KCNQ1: variants seen among roughly 807,000 people sequenced by gnomAD.
KCNQ1 encodes the protein potassium voltage-gated channel subfamily KQT member 1.
KCNQ1 carries 49 observed loss-of-function variants against 72.4 expected under a neutral mutation model. The observed-to-expected ratio is 0.68, with a 90% CI of 0.54 to 0.86. KCNQ1 has a LOEUF of 0.86. KCNQ1 is among the 40% of genes least tolerant of loss of function. The pLI, the probability that KCNQ1 is intolerant of heterozygous loss-of-function variation, is 0.00. For missense variants in KCNQ1, 790 were observed against 945.1 expected, an observed-to-expected ratio of 0.84 and a Z score of 2.15; for synonymous variants, 450 against 412.6, an observed-to-expected ratio of 1.09 and a Z score of -1.10.
intron 11 of KCNQ1, among the ~76,000 whole-genome samples, chr11:2,760,282 G>T (rs75943176): frequency 6.6e-6 from 1 of 151,564 alleles, no homozygotes; most frequent in East Asian, 2.2e-4. Context: ...GGGGCAGGCG[G>T]GCAGGCGGGC....
At chr11:2,792,059 C>G (rs1847037236) in intron 15 of KCNQ1, among the ~76,000 whole-genome samples, 1 of 152,128 alleles carries the variant, frequency 6.6e-6, no homozygotes, top group Non-Finnish European at 1.5e-5. Flanking sequence ...CCCTCCCCAC[C>G]CCGTTCCGCG....
rs1446976546 is a variant in KCNQ1, at chr11:2,679,111, T to A, written c.1514+17030T>A. On this transcript the variant is annotated intron_variant, in intron 11 of 15. Coordinates refer to ENST00000155840, the MANE Select transcript of KCNQ1 (RefSeq NM_000218.3). This position sits in a 1 kb window ranked among gnomAD's most constrained non-coding sequence, Gnocchi z 4.8. ...CATAGCTAGAGCTAGAGTGCTGTTA[T>A]AAGCTGTGCAGGCCAAAATGGTTTC... The A allele has an allele frequency of 2.5e-5, 10 of 398,532 alleles. No homozygotes were observed. Among genetic ancestry groups the A allele is most frequent in the Admixed American group, 2.2e-4 (5 of 22,720 alleles). The allele number at this position is 398,532 out of a possible 1,614,324, so 24.7% of individuals were successfully genotyped here.
In KCNQ1 at chr11:2,601,828, C is replaced by T. The variant is rs929008778; in HGVS notation, c.1393+12974C>T. 4.5e-4 allele frequency among the ~76,000 whole-genome samples: 69 copies of T among 152,298 alleles called. No individual in the cohort carries two copies. Among genetic ancestry groups the T allele is most frequent in the African/African-American group, 1.5e-3 (64 of 41,556 alleles). On this transcript the variant is annotated intron_variant, in intron 10 of 15. Transcript: ENST00000155840. The surrounding 1 kb of genome is among the most constrained non-coding windows in gnomAD (Gnocchi z 5.2). ...ATTTAACCATTCCCTCATCCAAGGA[C>T]ATGTGGGTCATTCCCAGTTTGGGCT...
Position 2,526,565 on chromosome 11 carries a change from TG to T in KCNQ1, c.387-1357del, listed in dbSNP as rs1307197705. On this transcript the variant is annotated intron_variant, in intron 1 of 15. Transcript: ENST00000155840. This position sits in a 1 kb window ranked among gnomAD's most constrained non-coding sequence, Gnocchi z 6.1. ...GTCCACAGGAGCTTGGGGAAGGGGG[TG>T]GGGGGCCAGAGCCCCACCTTCCCCA... Among the ~76,000 whole-genome samples, 18 of 129,050 alleles carry T rather than the reference TG, an allele frequency of 1.4e-4. No individual in the cohort carries two copies. The Admixed American group carries it at 1.4e-3, about 10-fold the overall frequency. 84.7% of individuals were successfully genotyped at this position (129,050 alleles called of 152,430 possible). A position where few individuals can be genotyped will look rare whatever the true frequency, so the allele number is the denominator to read the frequency against.
At chr11:2,829,329 G>A (rs1197151712) in intron 15 of KCNQ1, among the ~76,000 whole-genome samples, 2 of 152,106 alleles carry the variant, frequency 1.3e-5, no homozygotes, top group African/African-American at 4.8e-5. Context: ...AAAAAATGAA[G>A]GTGATAGACT....
intron 15 of KCNQ1, among the ~76,000 whole-genome samples, chr11:2,794,944 G>A (rs192149634): frequency 2.0e-5 from 3 of 152,286 alleles, no homozygotes; most frequent in African/African-American, 4.8e-5. Flanking sequence ...GCCTAGAGTG[G>A]GTATAGCTCA....
chr11:2,609,922 T>G (rs1848950785), intron 10 of KCNQ1: 2 of 397,932 alleles, frequency 5.0e-6, no homozygotes, highest in South Asian at 2.5e-4. Context: ...GTGTGCCTCA[T>G]ATAGATGGAA....
In KCNQ1 at chr11:2,658,180, G is replaced by A; in HGVS notation, c.1394-3781G>A. 1 of 398,586 alleles carries A rather than the reference G, an allele frequency of 2.5e-6. No individual in the cohort carries two copies. The highest frequency in any genetic ancestry group is 3.6e-5 in the East Asian group (1 of 28,076). The allele number at this position is 398,586 out of a possible 1,614,324, so 24.7% of individuals were successfully genotyped here. A position where few individuals can be genotyped will look rare whatever the true frequency, so the allele number is the denominator to read the frequency against. On this transcript the variant is annotated intron_variant, in intron 10 of 15. Coordinates refer to ENST00000155840, the MANE Select transcript of KCNQ1 (RefSeq NM_000218.3). This position sits in a 1 kb window ranked among gnomAD's most constrained non-coding sequence, Gnocchi z 4.9. ...TACATTTCAAGGAAGAAACTGTGAA[G>A]TTTCTGAGTTTCACTAACTAATTTC...
chr11:2,697,919 T>C, intron 11 of KCNQ1: 1 of 398,666 alleles, frequency 2.5e-6, no homozygotes, highest in Middle Eastern at 6.3e-4. Flanking sequence ...AGACCCACTT[T>C]TCTCCTCAGC....
rs1846458098 is a variant in KCNQ1 at position 2,471,589 on chromosome 11, TG to T, written c.386+26108del. ...GTATGTGTGTGTGTGCACGTGTGTA[TG>T]GGTGCGTGTGCACCTGTGTATATGG... On this transcript the variant is annotated intron_variant, in intron 1 of 15. Transcript: ENST00000155840. The surrounding 1 kb of genome is among the most constrained non-coding windows in gnomAD (Gnocchi z 4.8). Among the ~76,000 whole-genome samples the T allele has an allele frequency of 2.0e-5, 3 of 151,786 alleles. No individual in the cohort carries two copies. In the South Asian group the frequency reaches 6.2e-4, roughly 31 times the overall value.
chr11:2,571,270 C>T, intron 3 of KCNQ1, 55 bp from the exon 4 acceptor site: 1 of 1,441,412 alleles, frequency 6.9e-7, no homozygotes, highest in Admixed American at 1.7e-5. Flanking sequence ...ATGCTCTTCC[C>T]TGGGGCCCTG....
chr11:2,570,872 G>A (rs1163882176), intron 3 of KCNQ1, 118 bp downstream of exon 3: 7 of 1,406,274 alleles, frequency 5.0e-6, no homozygotes, highest in Non-Finnish European at 3.0e-6. Flanking sequence ...AAGGCCAGCA[G>A]GGGGTGACTG....
intron 15 of KCNQ1, chr11:2,839,924 C>G (rs1394581314): frequency 6.6e-6 from 1 of 152,200 alleles, no homozygotes; most frequent in Non-Finnish European, 1.5e-5. Context: ...AAAGCATGTA[C>G]AAGAGCGGTC....
At position 2,608,846 on chromosome 11, in the gene KCNQ1, G is replaced by A. The variant is rs1387755147; in HGVS notation, c.1393+19992G>A. ...TTCATTTCTGATTTTAGTAATTTGA[G>A]TTTTCTCTCTCCCCCTTTGCCTCAT... On this transcript the variant is annotated intron_variant, in intron 10 of 15. Coordinates refer to ENST00000155840, the MANE Select transcript of KCNQ1 (RefSeq NM_000218.3). The surrounding 1 kb of genome is among the most constrained non-coding windows in gnomAD (Gnocchi z 4.6). 27 of 398,182 alleles carry A rather than the reference G, an allele frequency of 6.8e-5. No homozygotes were observed. The highest frequency in any genetic ancestry group is 1.1e-4 in the Non-Finnish European group (25 of 225,964). The allele number at this position is 398,182 out of a possible 1,614,324, so 24.7% of individuals were successfully genotyped here.
intron 2 of KCNQ1, among the ~76,000 whole-genome samples, chr11:2,535,806 G>A (rs1431510312): frequency 9.9e-5 from 15 of 152,234 alleles, no homozygotes; most frequent in African/African-American, 3.6e-4. Context: ...TTTGCTGGGC[G>A]TAGGATCAGC....
intron 11 of KCNQ1, chr11:2,688,482 C>T (rs965837136): frequency 7.3e-5 from 29 of 398,616 alleles, no homozygotes; most frequent in Non-Finnish European, 1.1e-4. Flanking sequence ...GAGGCTCTGC[C>T]TCTGGTTGCC....
chr11:2,847,087 G>T (rs1848346027), intron 15 of KCNQ1, among the ~76,000 whole-genome samples: 1 of 152,078 alleles, frequency 6.6e-6, no homozygotes, highest in African/African-American at 2.4e-5. Flanking sequence ...GTTCCTGGGG[G>T]ATGACAAAAA....
At chr11:2,529,723 C>T (rs939831297) in intron 2 of KCNQ1, among the ~76,000 whole-genome samples, 4 of 152,136 alleles carry the variant, frequency 2.6e-5, no homozygotes, top group African/African-American at 9.7e-5. Flanking sequence ...GCATCTTTTG[C>T]GTTTCCAGAT....
chr11:2,560,902 G>T (rs1848154381), intron 2 of KCNQ1, among the ~76,000 whole-genome samples: 1 of 152,088 alleles, frequency 6.6e-6, no homozygotes, highest in Non-Finnish European at 1.5e-5. Context: ...GGGAGAGTGA[G>T]GCTGCGCGGT....
Sources: allele counts gnomAD v4.1 joint callset (sites outside exome capture counted in the v4.1 genomes callset), GRCh38; gene constraint gnomAD v4.1.1; non-coding constraint Gnocchi (gnomAD v3.1); transcripts MANE v1.5; gene names NCBI Gene and HGNC (gene_info 2026-07-23, HGNC 2026-07-21).